Variants in CAMKMT observed in about 807,000 individuals in gnomAD.
The protein encoded by CAMKMT is calmodulin-lysine N-methyltransferase, also known as CaM KMT.
In CAMKMT, 53 loss-of-function variants were observed where a neutral mutation model predicts 48.0. The ratio of observed to expected loss-of-function variants is 1.10; its 90% CI spans 0.89 to 1.39. CAMKMT has a LOEUF of 1.39. Among genes scored for constraint, CAMKMT ranks in the 40% most tolerant of loss-of-function variants. The pLI is 0.00. For synonymous variants in CAMKMT, 165 were observed against 152.3 expected, an observed-to-expected ratio of 1.08 and a Z score of -0.61; for missense variants, 428 against 402.7, an observed-to-expected ratio of 1.06 and a Z score of -0.54.
chr2:44,647,366 C>T lies in CAMKMT; in HGVS notation c.377-56917C>T, dbSNP rs11898257. ...CACTGGGAGACAGGGAAAAGCAAAA[C>T]TACATTCTTTGCTGTCTGTGCATGG... On this transcript the variant is annotated intron_variant, in intron 3 of 10. Coordinates refer to ENST00000378494, the MANE Select transcript of CAMKMT (RefSeq NM_024766.5). Among the ~76,000 whole-genome samples the T allele has an allele frequency of 4.7e-3, 719 of 152,264 alleles. 5 individuals are homozygous for T. The highest frequency in any genetic ancestry group is 0.016 in the African/African-American group (680 of 41,548).
intron 3 of CAMKMT, chr2:44,676,501 G>A (rs1049032422): frequency 1.2e-4 from 18 of 152,262 alleles, no homozygotes; most frequent in African/African-American, 4.3e-4. Flanking sequence ...AAACCTCTGA[G>A]TCATCCTTAA....
At chr2:44,711,853 T>C (rs932134963) in intron 6 of CAMKMT, among the ~76,000 whole-genome samples, 2 of 152,176 alleles carry the variant, frequency 1.3e-5, no homozygotes, top group Non-Finnish European at 2.9e-5. Context: ...TCAGAGAGAT[T>C]AATTTATCCC....
At chr2:44,733,792 C>G (rs1438050623) in intron 7 of CAMKMT, among the ~76,000 whole-genome samples, 1 of 152,034 alleles carries the variant, frequency 6.6e-6, no homozygotes, top group African/African-American at 2.4e-5. Flanking sequence ...AGATAAGCCC[C>G]ACTTGATCAT....
intron 3 of CAMKMT, among the ~76,000 whole-genome samples, chr2:44,579,961 T>A (rs566687265): frequency 6.6e-6 from 1 of 152,308 alleles, no homozygotes; most frequent in East Asian, 1.9e-4. Context: ...GCAAGCATCT[T>A]ACAGAAATGA....
chr2:44,498,176 A>G (rs1669847461), intron 3 of CAMKMT, among the ~76,000 whole-genome samples: 1 of 152,124 alleles, frequency 6.6e-6, no homozygotes, highest in South Asian at 2.1e-4. Context: ...ATTACTATTT[A>G]TTAGAAAATG....
At chr2:44,373,291 TA>T (rs1400307036) in intron 2 of CAMKMT, among the ~76,000 whole-genome samples, 6 of 152,218 alleles carry the variant, frequency 3.9e-5, no homozygotes, top group African/African-American at 1.2e-4. Flanking sequence ...TCCATTTATT[TA>T]TTTTTTTATT....
At chr2:44,547,654 G>A (rs749381697) in intron 3 of CAMKMT, among the ~76,000 whole-genome samples, 1 of 152,156 alleles carries the variant, frequency 6.6e-6, no homozygotes, top group Admixed American at 6.5e-5. Context: ...TTTAGGTCTT[G>A]GGGTCTGGAA....
intron 7 of CAMKMT, among the ~76,000 whole-genome samples, chr2:44,729,232 G>A (rs1363130250): frequency 1.3e-5 from 2 of 152,026 alleles, no homozygotes; most frequent in Non-Finnish European, 2.9e-5. Flanking sequence ...AACTACAAGA[G>A]GTTAGAAATA....
chr2:44,503,129 TA>T (rs1216796536), intron 3 of CAMKMT, among the ~76,000 whole-genome samples: 2 of 152,138 alleles, frequency 1.3e-5, no homozygotes, highest in East Asian at 1.9e-4. Flanking sequence ...TTTCATTATT[TA>T]AAAAAATTCT....
intron 3 of CAMKMT, among the ~76,000 whole-genome samples, chr2:44,647,871 A>ACACTC (rs1673825406): frequency 6.8e-6 from 1 of 147,336 alleles, no homozygotes; most frequent in Non-Finnish European, 1.5e-5. Flanking sequence ...TCCCACCACT[A>ACACTC]CACTCCAGCC....
intron 3 of CAMKMT, among the ~76,000 whole-genome samples, chr2:44,586,691 T>C (rs778301346): frequency 6.6e-6 from 1 of 152,254 alleles, no homozygotes; most frequent in Non-Finnish European, 1.5e-5. Flanking sequence ...TTATATGCAG[T>C]ATATTTATCC....
At chr2:44,447,242 A>T (rs80308621) in intron 3 of CAMKMT, among the ~76,000 whole-genome samples, 25 of 152,016 alleles carry the variant, frequency 1.6e-4, no homozygotes, top group African/African-American at 6.0e-4. Context: ...TAGGATTAAA[A>T]CTCACATTTT....
At chr2:44,640,591 A>G (rs967194007) in intron 3 of CAMKMT, among the ~76,000 whole-genome samples, 3 of 152,202 alleles carry the variant, frequency 2.0e-5, no homozygotes, top group Non-Finnish European at 2.9e-5. Flanking sequence ...TGAATTAACA[A>G]TATAAATGAA....
At chr2:44,472,298 GC>G in intron 3 of CAMKMT, among the ~76,000 whole-genome samples, 1 of 152,068 alleles carries the variant, frequency 6.6e-6, no homozygotes, top group African/African-American at 2.4e-5. Context: ...TATTAAATGG[GC>G]AATTCTTTTT....
chr2:44,707,609 A>G (rs1677635968), intron 6 of CAMKMT, 147 bp downstream of exon 6: 1 of 588,978 alleles, frequency 1.7e-6, no homozygotes, highest in Non-Finnish European at 2.8e-6. Context: ...AAAAGTAGAA[A>G]TATATGAATT....
At chr2:44,688,616 C>T (rs1676468512) in intron 3 of CAMKMT, among the ~76,000 whole-genome samples, 1 of 151,720 alleles carries the variant, frequency 6.6e-6, no homozygotes, top group South Asian at 2.1e-4. Context: ...GAGATGTTGC[C>T]CTACTTACCA....
intron 3 of CAMKMT, among the ~76,000 whole-genome samples, chr2:44,477,651 C>A (rs1668756780): frequency 6.6e-6 from 1 of 152,132 alleles, no homozygotes; most frequent in Non-Finnish European, 1.5e-5. Flanking sequence ...TTCTATTCCT[C>A]CATTTTGCCT....
chr2:44,604,557 G>GTT lies in CAMKMT; in HGVS notation c.377-99726_377-99725insTT, dbSNP rs1352040305. Among the ~76,000 whole-genome samples, 28 of 92,976 alleles carry GTT rather than the reference G, an allele frequency of 3.0e-4. No individual in the cohort carries two copies. In the Middle Eastern group the frequency reaches 0.049, roughly 164 times the overall value. 61.0% of individuals were successfully genotyped at this position (92,976 alleles called of 152,430 possible). A position where few individuals can be genotyped will look rare whatever the true frequency, so the allele number is the denominator to read the frequency against. On this transcript the variant is annotated intron_variant, in intron 3 of 10. Transcript: ENST00000378494. ...TAAGCAAACCTATGAAAGCCAATCT[G>GTT]GTTTTTTTTTTTTTTTTAACATTTT...
intron 3 of CAMKMT, among the ~76,000 whole-genome samples, chr2:44,687,584 T>G (rs1676408431): frequency 6.6e-6 from 1 of 152,244 alleles, no homozygotes; most frequent in Admixed American, 6.5e-5. Context: ...TTCAGCCACA[T>G]ATACTAACCT....
Sources: gnomAD v4.1 joint callset for allele counts (sites outside exome capture counted in the v4.1 genomes callset) on GRCh38, gnomAD v4.1.1 for gene constraint, MANE v1.5 for transcripts, NCBI Gene and HGNC (gene_info 2026-07-23, HGNC 2026-07-21) for gene names.